ADGRV1: variants seen among roughly 807,000 people sequenced by gnomAD.
ADGRV1 encodes adhesion G protein-coupled receptor V1, also known as G-protein coupled receptor 98.
Under a neutral mutation model 596.2 loss-of-function variants are expected in ADGRV1, and 359 were observed. That is an observed-to-expected ratio of 0.60 (90% CI 0.55 to 0.66). The LOEUF (loss-of-function observed/expected upper bound fraction) is 0.66, where lower values mean the gene tolerates loss of function less well. Ranked by LOEUF, ADGRV1 falls within the 30% of genes least tolerant of loss-of-function variation. The probability of loss-of-function intolerance (pLI) is 0.00; values close to 1 mark genes in which losing one functional copy is unlikely to be tolerated. For synonymous variants in ADGRV1, 2,681 were observed against 2,679.2 expected (o/e 1.00, Z -0.02); for missense variants, 7,274 against 7,575.6 (o/e 0.96, Z 1.48).
intron 1 of ADGRV1, among the ~76,000 whole-genome samples, chr5:90,589,360 T>C (rs962298859): frequency 6.6e-5 from 10 of 152,166 alleles, no homozygotes; most frequent in Admixed American, 5.9e-4. Flanking sequence ...CACTTGTGAA[T>C]TTTCTTCAAA....
chr5:90,642,265 T>A (rs562435754), intron 11 of ADGRV1, among the ~76,000 whole-genome samples: 4 of 152,312 alleles, frequency 2.6e-5, no homozygotes, highest in Admixed American at 2.6e-4. Flanking sequence ...TAAGCTATCT[T>A]CTAACTACAT....
intron 68 of ADGRV1, among the ~76,000 whole-genome samples, chr5:90,789,395 G>T (rs1034272060): frequency 6.6e-6 from 1 of 152,102 alleles, no homozygotes; most frequent in East Asian, 1.9e-4. Context: ...CTGATTAAAT[G>T]TAGTAAATAT....
At chr5:90,599,727 G>A (rs1030750962) in intron 1 of ADGRV1, among the ~76,000 whole-genome samples, 1 of 152,104 alleles carries the variant, frequency 6.6e-6, no homozygotes, top group Admixed American at 6.5e-5. Context: ...ATACCGAGAT[G>A]ACATGAAATC....
intron 30 of ADGRV1, 92 bp from the exon 31 acceptor site, chr5:90,690,705 G>A: frequency 7.9e-7 from 1 of 1,265,048 alleles, no homozygotes; most frequent in South Asian, 1.4e-5. Context: ...TGCTTAGGGG[G>A]GAAGAGAATC....
intron 83 of ADGRV1, among the ~76,000 whole-genome samples, chr5:90,939,605 A>C (rs1281149383): frequency 6.6e-6 from 1 of 152,214 alleles, no homozygotes; most frequent in Non-Finnish European, 1.5e-5. Context: ...AAATGGGAAA[A>C]AATGATAACT....
At chr5:90,997,272 G>A (rs956551471) in intron 85 of ADGRV1, among the ~76,000 whole-genome samples, 1 of 152,134 alleles carries the variant, frequency 6.6e-6, no homozygotes, top group Non-Finnish European at 1.5e-5. Flanking sequence ...TGGATTATGG[G>A]AGTGGTTTCT....
At chr5:90,772,422 G>A (rs2150054851) in intron 59 of ADGRV1, among the ~76,000 whole-genome samples, 1 of 152,224 alleles carries the variant, frequency 6.6e-6, no homozygotes, top group South Asian at 2.1e-4. Context: ...TTCTGTTGGT[G>A]AGTTTTCTGT....
chr5:90,650,605 C>G (rs1768455415), intron 17 of ADGRV1, among the ~76,000 whole-genome samples: 1 of 152,078 alleles, frequency 6.6e-6, no homozygotes, highest in South Asian at 2.1e-4. Context: ...TGCATCAGTT[C>G]AGCAATAAAT....
chr5:90,897,789 C>T (rs1410161743), intron 83 of ADGRV1, among the ~76,000 whole-genome samples: 5 of 152,160 alleles, frequency 3.3e-5, no homozygotes. Flanking sequence ...TTCCCTTCTG[C>T]CGTGCCTTTA....
chr5:90,634,588 T>C (rs1765913903), intron 9 of ADGRV1, among the ~76,000 whole-genome samples: 1 of 151,998 alleles, frequency 6.6e-6, no homozygotes, highest in Admixed American at 6.6e-5. Flanking sequence ...TGGGGGATGA[T>C]TGGAAGTGTG....
In ADGRV1 at chr5:90,745,198, C is replaced by G. The variant is rs549528540; in HGVS notation, c.10702C>G (p.Leu3568Val). 4 of 1,612,488 alleles carry G rather than the reference C, an allele frequency of 2.5e-6. No homozygotes were observed. In the South Asian group the frequency reaches 4.4e-5, roughly 18 times the overall value. ...TAATTCAAGCAAGAATTTAATAGCTCTAGTGGGAGCTCATTCACATATATA... is the reference window on the plus strand; with the variant it reads ...TAATTCAAGCAAGAATTTAATAGCTGTAGTGGGAGCTCATTCACATATATA... ...SLNSSKNLIA[L>V]VGAHSHIYEL... The change falls in exon 51 of 90, where the codon CTA becomes GTA. Residue 3568 changes from leucine to valine, a missense_variant. Physicochemically the swap from Leu to Val is conservative, Grantham distance 32. This residue lies in a region of ADGRV1 where 3,643 missense variants were observed against 3,809.2 expected (regional missense o/e 0.96). Coordinates refer to ENST00000405460, the MANE Select transcript of ADGRV1 (RefSeq NM_032119.4).
Position 90,614,955 on chromosome 5 carries a change from C to A in ADGRV1, c.143C>A (p.Thr48Lys). 6.3e-7 allele frequency: 1 copy of A among 1,583,454 alleles called. No homozygotes were observed. The highest frequency in any genetic ancestry group is 1.7e-4 in the Middle Eastern group (1 of 5,954). ...GAATTTGTTGTTAATGAAACAAGTA[C>A]AACAGTTATTCGTCTTATCATTGAA... is the stretch of plus-strand genomic sequence containing the variant. Reference protein sequence around the residue: ...QTEFVVNETSTTVIRLIIERI... With the variant: ...QTEFVVNETSKTVIRLIIERI... Residue 48 changes from threonine to lysine, a missense_variant, in exon 2 of 90, where the codon ACA becomes AAA. Physicochemically the swap from Thr to Lys is moderately conservative, Grantham distance 78 (BLOSUM62 -1). Coordinates refer to ENST00000405460, the MANE Select transcript of ADGRV1 (RefSeq NM_032119.4).
intron 50 of ADGRV1, among the ~76,000 whole-genome samples, chr5:90,744,412 A>G (rs1192658600): frequency 6.6e-6 from 1 of 152,232 alleles, no homozygotes; most frequent in Non-Finnish European, 1.5e-5. Context: ...TATCAAGTGA[A>G]GATAATTAAC....
At chr5:90,874,864 A>C (rs749404231) in intron 83 of ADGRV1, among the ~76,000 whole-genome samples, 19 of 152,120 alleles carry the variant, frequency 1.2e-4, no homozygotes, top group Non-Finnish European at 2.5e-4. Context: ...TCAAAAAAAA[A>C]CAAAAAACAA....
intron 83 of ADGRV1, among the ~76,000 whole-genome samples, chr5:90,962,057 A>G (rs902182741): frequency 2.0e-5 from 3 of 152,214 alleles, no homozygotes; most frequent in African/African-American, 4.8e-5. Context: ...CTGCTCCTGC[A>G]AATCAGGATA....
intron 76 of ADGRV1, among the ~76,000 whole-genome samples, chr5:90,824,412 G>A (rs900362868): frequency 1.3e-5 from 2 of 152,248 alleles, no homozygotes; most frequent in African/African-American, 2.4e-5. Flanking sequence ...ATGTACTACA[G>A]CTATATAGGA....
rs1368858100 is a variant in ADGRV1 at position 90,757,294 on chromosome 5, ATAT to A, written c.11940+139_11940+141del. 6 of 644,574 alleles carry A rather than the reference ATAT, an allele frequency of 9.3e-6. No homozygotes were observed. The Admixed American group carries it at 1.5e-4, about 16-fold the overall frequency. 39.9% of individuals were successfully genotyped at this position (644,574 alleles called of 1,614,324 possible). ...AATGTTTCTATGTTAAGTCAAACAA[ATAT>A]TATTAATTGAAATACAATTTATTAA... On this transcript the variant is annotated intron_variant, in intron 57 of 89. Transcript: ENST00000405460.
chr5:90,887,047 A>C (rs1469770682), intron 83 of ADGRV1, among the ~76,000 whole-genome samples: 1 of 152,130 alleles, frequency 6.6e-6, no homozygotes, highest in Non-Finnish European at 1.5e-5. Context: ...TCTTTTAAAG[A>C]TGTCATGCGT....
chr5:90,674,543 G>A (rs1580693606), intron 23 of ADGRV1: 3 of 192,842 alleles, frequency 1.6e-5, no homozygotes, highest in African/African-American at 7.0e-5. Flanking sequence ...ATGGTGATTT[G>A]TTAACACCTA....
Sources: gnomAD v4.1 joint callset for allele counts (sites outside exome capture counted in the v4.1 genomes callset) on GRCh38, gnomAD v4.1.1 for gene constraint, gnomAD v4.1.1 regional missense constraint, MANE v1.5 for transcripts, NCBI Gene and HGNC (gene_info 2026-07-23, HGNC 2026-07-21) for gene names.